REV1: variants seen among roughly 807,000 people sequenced by gnomAD.
REV1 encodes translesion synthesis protein REV1.
Under a neutral mutation model 137.4 loss-of-function variants are expected in REV1, and 42 were observed. That is an observed-to-expected ratio of 0.31 (90% confidence interval 0.24 to 0.40). The LOEUF is 0.40. Among genes scored for constraint, REV1 ranks in the 10% least tolerant of loss-of-function variants. The probability of loss-of-function intolerance (pLI) is 1.00; values close to 1 mark genes in which losing one functional copy is unlikely to be tolerated. For synonymous variants in REV1, 524 were observed against 519.2 expected, an observed-to-expected ratio of 1.01 and a Z score of -0.12; for missense variants, 1,282 against 1,490.1, an observed-to-expected ratio of 0.86 and a Z score of 2.30.
chr2:99,416,959 G>A (rs1050764639), intron 12 of REV1, among the ~76,000 whole-genome samples: 1 of 147,240 alleles, frequency 6.8e-6, no homozygotes, highest in African/African-American at 2.5e-5. Flanking sequence ...CAGCCAGGAA[G>A]CAAATGAAGG....
At chr2:99,466,584 C>T (rs1237491549) in intron 1 of REV1, among the ~76,000 whole-genome samples, 2 of 152,206 alleles carry the variant, frequency 1.3e-5, no homozygotes, top group Non-Finnish European at 2.9e-5. Flanking sequence ...TAGTATACTG[C>T]AGGATTTGGT....
chr2:99,456,983 T>C (rs1252359803), intron 3 of REV1, among the ~76,000 whole-genome samples: 1 of 152,224 alleles, frequency 6.6e-6, no homozygotes, highest in Admixed American at 6.5e-5. Flanking sequence ...CTAGAATGTC[T>C]TTCTCCATTT....
At chr2:99,409,456 G>A (rs916771661) in intron 14 of REV1, among the ~76,000 whole-genome samples, 3 of 152,168 alleles carry the variant, frequency 2.0e-5, no homozygotes, top group African/African-American at 4.8e-5. Flanking sequence ...GAAATACAGT[G>A]CAATATAAAA....
intron 3 of REV1, among the ~76,000 whole-genome samples, chr2:99,456,817 C>A (rs1253674589): frequency 1.3e-5 from 2 of 152,138 alleles, no homozygotes; most frequent in African/African-American, 2.4e-5. Context: ...ACTTCCAGTT[C>A]ACAGAAGTGA....
At chr2:99,419,307 G>A (rs1343100690) in intron 11 of REV1, among the ~76,000 whole-genome samples, 1 of 150,252 alleles carries the variant, frequency 6.7e-6, no homozygotes, top group Non-Finnish European at 1.5e-5. Flanking sequence ...CCGCCTCCTG[G>A]GCTCCAGCCA....
intron 4 of REV1, among the ~76,000 whole-genome samples, chr2:99,449,047 C>T (rs1177218464): frequency 1.3e-5 from 2 of 152,032 alleles, no homozygotes; most frequent in Non-Finnish European, 2.9e-5. Context: ...TTTGGGAGGC[C>T]AAGGCTGGAG....
intron 7 of REV1, among the ~76,000 whole-genome samples, 167 bp from the exon 8 acceptor site, chr2:99,434,615 TA>T (rs531478365): frequency 2.0e-5 from 3 of 152,338 alleles, no homozygotes; most frequent in African/African-American, 7.2e-5. Context: ...AATCACCATG[TA>T]AATGTCATTT....
At chr2:99,421,426 AC>A in intron 11 of REV1, 72 bp downstream of exon 11, 1 of 1,435,904 alleles carries the variant, frequency 7.0e-7, no homozygotes, top group East Asian at 2.3e-5. Flanking sequence ...AAAAAGAAAA[AC>A]TCCATAAAAT....
intron 1 of REV1, among the ~76,000 whole-genome samples, chr2:99,466,157 G>C (rs895570815): frequency 2.0e-5 from 3 of 151,842 alleles, no homozygotes; most frequent in Non-Finnish European, 4.4e-5. Context: ...TTCACCATGT[G>C]AGCCAGGATG....
intron 8 of REV1, among the ~76,000 whole-genome samples, chr2:99,430,970 A>C (rs748531051): frequency 6.6e-6 from 1 of 152,192 alleles, no homozygotes; most frequent in African/African-American, 2.4e-5. Context: ...ATTCCAGACA[A>C]ATCTATTTTG....
chr2:99,453,832 A>G (rs10173466), intron 3 of REV1, among the ~76,000 whole-genome samples: 86,757 of 146,454 alleles, frequency 0.59, 26,183 homozygotes, highest in African/African-American at 0.67. Flanking sequence ...GGCGGAGGTT[A>G]CAGTGAGCCA....
rs2105149307 is a variant in REV1, at chr2:99,465,035, T to C, written c.-10-50A>G. ...TGTCAATTTTATAACATAATGTATT[T>C]CTAAATGATATTTTATTTCAATATC... is the stretch of plus-strand genomic sequence containing the variant. On this transcript the variant is annotated intron_variant, in intron 1 of 22. Transcript: ENST00000258428. 3 of 1,376,104 alleles carry C rather than the reference T, an allele frequency of 2.2e-6. No homozygotes were observed. In the Admixed American group the frequency reaches 5.8e-5, roughly 26 times the overall value. 85.2% of individuals were successfully genotyped at this position (1,376,104 alleles called of 1,614,324 possible).
chr2:99,476,125 C>T (rs1453532556), intron 1 of REV1, among the ~76,000 whole-genome samples: 1 of 152,228 alleles, frequency 6.6e-6, no homozygotes, highest in Non-Finnish European at 1.5e-5. Context: ...ATGTACCTAT[C>T]CACAGATGTG....
At chr2:99,418,745 G>C (rs1347551637) in intron 12 of REV1, 83 bp downstream of exon 12, 1 of 1,277,790 alleles carries the variant, frequency 7.8e-7, no homozygotes, top group Admixed American at 2.3e-5. Context: ...TGGGCAAAAA[G>C]AGGTCTCACA....
intron 1 of REV1, among the ~76,000 whole-genome samples, chr2:99,470,381 G>A (rs1462609147): frequency 1.3e-5 from 2 of 152,138 alleles, no homozygotes; most frequent in African/African-American, 2.4e-5. Context: ...CAAAGTAGAG[G>A]TTCCTCTTCA....
chr2:99,442,518 G>A (rs1681649388), intron 4 of REV1, 49 bp from the exon 5 acceptor site: 2 of 1,540,788 alleles, frequency 1.3e-6, no homozygotes, highest in South Asian at 2.3e-5. Context: ...TGGTGACAAT[G>A]AGCTTCATGA....
chr2:99,471,519 GA>G (rs1179084878), intron 1 of REV1, among the ~76,000 whole-genome samples: 1 of 152,114 alleles, frequency 6.6e-6, no homozygotes, highest in East Asian at 1.9e-4. Flanking sequence ...ATTTTGCAAT[GA>G]CTTTTTGGGG....
intron 10 of REV1, among the ~76,000 whole-genome samples, chr2:99,423,509 G>T (rs900795151): frequency 2.0e-5 from 3 of 152,110 alleles, no homozygotes; most frequent in African/African-American, 7.2e-5. Context: ...CTGACCCCTG[G>T]TTTACAGCAT....
chr2:99,413,489 C>G (rs937796344), intron 12 of REV1, among the ~76,000 whole-genome samples: 2 of 152,110 alleles, frequency 1.3e-5, no homozygotes, highest in African/African-American at 4.8e-5. Flanking sequence ...TACCACTGAC[C>G]TGAAGATGAA....
Sources: gnomAD v4.1 joint callset for allele counts (sites outside exome capture counted in the v4.1 genomes callset) on GRCh38, gnomAD v4.1.1 for gene constraint, MANE v1.5 for transcripts, NCBI Gene and HGNC (gene_info 2026-07-23, HGNC 2026-07-21) for gene names.